The following MYO9B variants were observed in gnomAD, a reference collection of about 807,000 sequenced individuals.
MYO9B encodes the protein myosin IXB.
Under a neutral mutation model 229.5 loss-of-function variants are expected in MYO9B, and 71 were observed. The ratio of observed to expected loss-of-function variants is 0.31; its 90% confidence interval spans 0.26 to 0.38. The LOEUF is 0.38. Ranked by LOEUF, MYO9B falls within the 10% of genes least tolerant of loss-of-function variation. The pLI, the probability that MYO9B is intolerant of heterozygous loss-of-function variation, is 1.00. For missense variants in MYO9B, 2,255 were observed against 2,920.5 expected (o/e 0.77, Z 5.25); for synonymous variants, 1,185 against 1,235.8 (o/e 0.96, Z 0.86).
intron 2 of MYO9B, among the ~76,000 whole-genome samples, chr19:17,116,507 A>G (rs915489468): frequency 1.3e-5 from 2 of 152,160 alleles, no homozygotes; most frequent in Admixed American, 6.6e-5. Flanking sequence ...GCATGAGGAC[A>G]GGCATCCCGG....
At chr19:17,192,725 A>G (rs1334395139) in intron 20 of MYO9B, 21 bp from the exon 21 acceptor site, 1 of 1,504,974 alleles carries the variant, frequency 6.6e-7, no homozygotes, top group African/African-American at 1.4e-5. Context: ...AGCTGACCCC[A>G]CCTGACCCCG....
At chr19:17,161,370 G>C (rs745509702) in intron 8 of MYO9B, among the ~76,000 whole-genome samples, 5 of 152,278 alleles carry the variant, frequency 3.3e-5, no homozygotes, top group Admixed American at 2.6e-4. Flanking sequence ...GGTGTTGGAT[G>C]AGTCGAGTGT....
At chr19:17,102,628 C>T (rs778269126) in intron 2 of MYO9B, 71 bp downstream of exon 2, 27 of 1,464,820 alleles carry the variant, frequency 1.8e-5, no homozygotes, top group African/African-American at 4.2e-5. Flanking sequence ...AGGCCAAGCT[C>T]GGTGGCCCAC....
intron 2 of MYO9B, among the ~76,000 whole-genome samples, chr19:17,141,903 G>A (rs992036394): frequency 2.6e-5 from 4 of 152,162 alleles, no homozygotes; most frequent in African/African-American, 9.7e-5. Context: ...TTGATTACAG[G>A]TGAGCCACCG....
At chr19:17,128,535 G>A (rs1599351952) in intron 2 of MYO9B, among the ~76,000 whole-genome samples, 1 of 152,232 alleles carries the variant, frequency 6.6e-6, no homozygotes, top group African/African-American at 2.4e-5. Flanking sequence ...CGGTCCCTCA[G>A]GCGTCCTGGG....
chr19:17,098,339 G>A (rs545210694), intron 1 of MYO9B, among the ~76,000 whole-genome samples: 12 of 152,320 alleles, frequency 7.9e-5, no homozygotes, highest in African/African-American at 2.9e-4. Flanking sequence ...ACAAGCGTGA[G>A]CGACCGCGCC....
At chr19:17,135,622 G>C (rs528635818) in intron 2 of MYO9B, among the ~76,000 whole-genome samples, 1 of 152,188 alleles carries the variant, frequency 6.6e-6, no homozygotes, top group African/African-American at 2.4e-5. Context: ...TTGAAAAGTC[G>C]CAGTGTGCTG....
At chr19:17,091,711 T>C (rs1359419593) in intron 1 of MYO9B, among the ~76,000 whole-genome samples, 1 of 152,092 alleles carries the variant, frequency 6.6e-6, no homozygotes, top group East Asian at 1.9e-4. Context: ...CCCAGCTAGT[T>C]TCTGCTCCCA....
chr19:17,126,154 A>G (rs2058016164), intron 2 of MYO9B, among the ~76,000 whole-genome samples: 1 of 152,100 alleles, frequency 6.6e-6, no homozygotes, highest in Non-Finnish European at 1.5e-5. Flanking sequence ...TGAAAGCATC[A>G]GCTAAACTTC....
At chr19:17,135,111 C>T (rs1182097828) in intron 2 of MYO9B, among the ~76,000 whole-genome samples, 1 of 152,128 alleles carries the variant, frequency 6.6e-6, no homozygotes, top group Non-Finnish European at 1.5e-5. Flanking sequence ...GTGATTAGTG[C>T]TGAAATGAAC....
At chr19:17,146,305 G>A (rs2072410807) in intron 3 of MYO9B, among the ~76,000 whole-genome samples, 1 of 151,088 alleles carries the variant, frequency 6.6e-6, no homozygotes, top group African/African-American at 2.4e-5. Flanking sequence ...ATCCATCACA[G>A]GTGGATGGGT....
At chr19:17,079,488 G>A (rs2057515460) in intron 1 of MYO9B, among the ~76,000 whole-genome samples, 1 of 152,162 alleles carries the variant, frequency 6.6e-6, no homozygotes, top group African/African-American at 2.4e-5. Flanking sequence ...TGAGATTAGA[G>A]GTATTAGATT....
At chr19:17,208,517 C>T (rs1420926035) in intron 35 of MYO9B, among the ~76,000 whole-genome samples, 2 of 151,224 alleles carry the variant, frequency 1.3e-5, no homozygotes, top group African/African-American at 2.4e-5. Context: ...CTGCAAGCTC[C>T]GCCTCCCGGG....
rs533748301 is a variant in MYO9B, at chr19:17,198,398, A to G, written c.4238+90A>G. ...CGCAGCAGTGTGGCCTCCTAAACCA[A>G]TCACGTTTACAAAGCACGTTCGCAA... On this transcript the variant is annotated intron_variant, in intron 24 of 39. Transcript: ENST00000682292. 1.1e-4 allele frequency: 164 copies of G among 1,538,704 alleles called. No homozygotes were observed. The South Asian group carries it at 1.9e-3, about 18-fold the overall frequency.
In MYO9B at chr19:17,109,832, T is replaced by TA. The variant is rs1416584687; in HGVS notation, c.840+7276dup. The stretch of plus-strand genomic sequence containing the variant: ...TGGGATCACCTCATCTCAAAATACT[T>TA]ACCTTCATGACATCTGCCAAGACCC... On this transcript the variant is annotated intron_variant, in intron 2 of 39. Transcript: ENST00000682292. Among the ~76,000 whole-genome samples, 35 of 152,314 alleles carry TA rather than the reference T, an allele frequency of 2.3e-4. No individual in the cohort carries two copies. In the Middle Eastern group the frequency reaches 0.017, roughly 74 times the overall value.
At chr19:17,178,430 A>G (rs8104106) in intron 14 of MYO9B, 16,848 of 151,006 alleles carry the variant, frequency 0.11, 1,867 homozygotes, top group African/African-American at 0.29. Context: ...TAGCAAGACC[A>G]CACGCCTACA....
At chr19:17,138,987 G>A (rs543968024) in intron 2 of MYO9B, among the ~76,000 whole-genome samples, 6 of 151,938 alleles carry the variant, frequency 3.9e-5, no homozygotes, top group Non-Finnish European at 5.9e-5. Flanking sequence ...GCCTGGCCCC[G>A]AACTCTGGTG....
intron 2 of MYO9B, among the ~76,000 whole-genome samples, chr19:17,119,103 G>C (rs770581366): frequency 2.0e-4 from 30 of 152,306 alleles, no homozygotes; most frequent in Non-Finnish European, 4.1e-4. Context: ...CCTGCATGCT[G>C]TGTGACCTGC....
At chr19:17,126,569 C>T (rs886643452) in intron 2 of MYO9B, among the ~76,000 whole-genome samples, 1 of 152,128 alleles carries the variant, frequency 6.6e-6, no homozygotes, top group East Asian at 1.9e-4. Context: ...AGACCCAGAC[C>T]GATGTGGCTG....
Sources: gnomAD v4.1 joint callset for allele counts (sites outside exome capture counted in the v4.1 genomes callset) on GRCh38, gnomAD v4.1.1 for gene constraint, MANE v1.5 for transcripts, NCBI Gene and HGNC (gene_info 2026-07-23, HGNC 2026-07-21) for gene names.